Variants in OR4D9 observed in about 807,000 individuals in gnomAD.
The protein encoded by OR4D9 is olfactory receptor family 4 subfamily D member 9.
OR4D9 carries 2 observed loss-of-function variants against 0.8 expected under a neutral mutation model. The observed-to-expected ratio is 2.58, with a 90% CI of 1.06 to 8.13. The LOEUF (loss-of-function observed/expected upper bound fraction) is 8.13. Ranked by LOEUF, OR4D9 falls within the 30% of genes most tolerant of loss-of-function variation. The pLI, the probability that OR4D9 is intolerant of heterozygous loss-of-function variation, is 0.04. For synonymous variants in OR4D9, 146 were observed against 151.2 expected, an observed-to-expected ratio of 0.97 and a Z score of 0.25; for missense variants, 399 against 384.7, an observed-to-expected ratio of 1.04 and a Z score of -0.31.
chr11:59,518,552 T>C lies in OR4D9; in HGVS notation c.*2695T>C, dbSNP rs1453450448. 6.6e-6 allele frequency: 1 copy of C among 152,214 alleles called. No individual in the cohort carries two copies. Among genetic ancestry groups the C allele is most frequent in the Non-Finnish European group, 1.5e-5 (1 of 68,052 alleles). The allele number at this position is 152,214 out of a possible 1,614,324, so 9.4% of individuals were successfully genotyped here. ...ATGCACCACTATATCTGGCTAATTT[T>C]GTATATTTTTATTTTCATAGAGATG... On this transcript the variant is annotated 3_prime_UTR_variant, in exon 3 of 3. Transcript: ENST00000641962.
rs1413051438 is a variant in OR4D9, at chr11:59,519,237, T to A, written c.*3380T>A. On this transcript the variant is annotated 3_prime_UTR_variant, in exon 3 of 3. Transcript: ENST00000641962. Reference sequence around the variant, plus strand: ...GCATGGTGGCACACGCCTGTAGTCCTAGCTACTCAGGAGACTGAGCTGGGA... The same window carrying A: ...GCATGGTGGCACACGCCTGTAGTCCAAGCTACTCAGGAGACTGAGCTGGGA... 4 of 151,710 alleles carry A rather than the reference T, an allele frequency of 2.6e-5. No individual in the cohort carries two copies. Among genetic ancestry groups the A allele is most frequent in the Non-Finnish European group, 5.9e-5 (4 of 68,034 alleles). The allele number at this position is 151,710 out of a possible 1,614,324, so 9.4% of individuals were successfully genotyped here.
In OR4D9 at chr11:59,515,907, C is replaced by T; in HGVS notation, c.*50C>T. On this transcript the variant is annotated 3_prime_UTR_variant, in exon 3 of 3. Transcript: ENST00000641962. ...AGATAGACATTAAATTTCACTTTCT[C>T]AAAATGGGAAAGGAGCTTGTTCATG... 2.2e-6 allele frequency: 3 copies of T among 1,366,580 alleles called. No homozygotes were observed. The highest frequency in any genetic ancestry group is 1.9e-4 in the Middle Eastern group (1 of 5,378). 84.7% of individuals were successfully genotyped at this position (1,366,580 alleles called of 1,614,324 possible). A position where few individuals can be genotyped will look rare whatever the true frequency, so the allele number is the denominator to read the frequency against.
chr11:59,517,330 A>G lies in OR4D9; in HGVS notation c.*1473A>G, dbSNP rs1008085152. 1.3e-4 allele frequency: 20 copies of G among 152,314 alleles called. No individual in the cohort carries two copies. Among genetic ancestry groups the G allele is most frequent in the African/African-American group, 4.8e-4 (20 of 41,584 alleles). The allele number at this position is 152,314 out of a possible 1,614,324, so 9.4% of individuals were successfully genotyped here. On this transcript the variant is annotated 3_prime_UTR_variant, in exon 3 of 3. Coordinates refer to ENST00000641962, the MANE Select transcript of OR4D9 (RefSeq NM_001004711.2). ...GCCACATTTGTGTAACAGTGAACTC[A>G]GTGCAGCCATGGCGTAATACACTCT...
rs200036702 is a variant in OR4D9, at chr11:59,515,047, C to G, written c.135C>G (p.Ile45Met). 2 of 1,614,134 alleles carry G rather than the reference C, an allele frequency of 1.2e-6. No homozygotes were observed. Among genetic ancestry groups the G allele is most frequent in the Admixed American group, 1.7e-5 (1 of 60,012 alleles). Reference sequence around the variant, plus strand: ...CAACTCTAATGGGAAACTTCCTCATCATGGTTACAGTTACCTGTGAATCTC... The same window carrying G: ...CAACTCTAATGGGAAACTTCCTCATGATGGTTACAGTTACCTGTGAATCTC... ...YMTTLMGNFL[I>M]MVTVTCESHL... Residue 45 changes from isoleucine (I) to methionine (M), a missense_variant, in exon 3 of 3, where the codon ATC becomes ATG. Coordinates refer to ENST00000641962, the MANE Select transcript of OR4D9 (RefSeq NM_001004711.2).
rs530971266 is a variant in OR4D9, at chr11:59,513,345, G to A, written c.-124-1328G>A. 6.6e-5 allele frequency among the ~76,000 whole-genome samples: 10 copies of A among 152,196 alleles called. No homozygotes were observed. In the South Asian group the frequency reaches 1.2e-3, roughly 19 times the overall value. On this transcript the variant is annotated intron_variant, in intron 1 of 2. Coordinates refer to ENST00000641962, the MANE Select transcript of OR4D9 (RefSeq NM_001004711.2). ...ATTACAGGCGGGAGTCACCATGCCC[G>A]GCCAACTCAATGAATGTTTTTACAC...
At position 59,520,420 on chromosome 11, in the gene OR4D9, T is replaced by A. The variant is rs1379851824; in HGVS notation, c.*4563T>A. On this transcript the variant is annotated 3_prime_UTR_variant, in exon 3 of 3. Coordinates refer to ENST00000641962, the MANE Select transcript of OR4D9 (RefSeq NM_001004711.2). ...ATGGGAATTGAACAATGAGAACACA[T>A]GGACACAGGAAGGGGAACATCACAC... The A allele has an allele frequency of 7.8e-6, 1 of 127,906 alleles. No homozygotes were observed. Among genetic ancestry groups the A allele is most frequent in the African/African-American group, 3.0e-5 (1 of 33,094 alleles). The allele number at this position is 127,906 out of a possible 1,614,324, so 7.9% of individuals were successfully genotyped here. A position where few individuals can be genotyped will look rare whatever the true frequency, so the allele number is the denominator to read the frequency against.
chr11:59,515,345 A>T lies in OR4D9; in HGVS notation c.433A>T (p.Ile145Phe), dbSNP rs1859389216. 1 of 1,613,866 alleles carries T rather than the reference A, an allele frequency of 6.2e-7. No individual in the cohort carries two copies. Among genetic ancestry groups the T allele is most frequent in the Non-Finnish European group, 8.5e-7 (1 of 1,179,938 alleles). Reference protein sequence around the residue: ...IMSRGRCTGLIVASWVGGFVH... With the variant: ...IMSRGRCTGLFVASWVGGFVH... ...GAGTAGGGGGCGATGCACAGGCCTC[A>T]TCGTGGCTTCCTGGGTGGGGGGCTT... is the stretch of plus-strand genomic sequence containing the variant. Residue 145 changes from isoleucine (I) to phenylalanine (F), a missense_variant, in exon 3 of 3, where the codon ATC becomes TTC. Physicochemically the swap from Ile to Phe is conservative, Grantham distance 21. Transcript: ENST00000641962.
intron 1 of OR4D9, 57 bp from the exon 2 acceptor site, chr11:59,514,616 G>T: frequency 3.7e-6 from 1 of 269,260 alleles, no homozygotes; most frequent in Non-Finnish European, 6.9e-6. Flanking sequence ...TTAAGTGTCA[G>T]ATTTTATAGT....
rs1315414278 is a variant in OR4D9, at chr11:59,520,230, C to T, written c.*4373C>T. On this transcript the variant is annotated 3_prime_UTR_variant, in exon 3 of 3. Coordinates refer to ENST00000641962, the MANE Select transcript of OR4D9 (RefSeq NM_001004711.2). ...GTGACAAAATCATTTGTACACCAAA[C>T]CCCAGCAACACACAATTTACTCATG... is the stretch of plus-strand genomic sequence containing the variant. 1.3e-5 allele frequency: 2 copies of T among 152,052 alleles called. No individual in the cohort carries two copies. The highest frequency in any genetic ancestry group is 4.8e-5 in the African/African-American group (2 of 41,404). The allele number at this position is 152,052 out of a possible 1,614,324, so 9.4% of individuals were successfully genotyped here. A position where few individuals can be genotyped will look rare whatever the true frequency, so the allele number is the denominator to read the frequency against.
rs201267082 is a variant in OR4D9, at chr11:59,515,246, G to A, written c.334G>A (p.Val112Ile). ...CTTCCACCTTCTGGGGGGAGCAGAC[G>A]TTTTTTCTCTCTCTGTGATGGCGTT... Reference protein sequence around the residue: ...FFFHLLGGADVFSLSVMAFDR... With the variant: ...FFFHLLGGADIFSLSVMAFDR... The change falls in exon 3 of 3, where the codon GTT becomes ATT. Residue 112 changes from valine (V) to isoleucine (I), a missense_variant. Coordinates refer to ENST00000641962, the MANE Select transcript of OR4D9 (RefSeq NM_001004711.2). 155 of 1,613,332 alleles carry A rather than the reference G, an allele frequency of 9.6e-5. No homozygotes were observed. The East Asian group carries it at 2.1e-3, about 22-fold the overall frequency.
chr11:59,514,419 G>A (rs753152907), intron 1 of OR4D9, among the ~76,000 whole-genome samples: 1 of 152,156 alleles, frequency 6.6e-6, no homozygotes, highest in African/African-American at 2.4e-5. Flanking sequence ...GCCATTTTGA[G>A]GTTGGGTCAT....
rs143294848 is a variant in OR4D9 at position 59,515,628 on chromosome 11, C to T, written c.716C>T (p.Thr239Ile). 1.2e-6 allele frequency: 2 copies of T among 1,614,182 alleles called. No individual in the cohort carries two copies. The highest frequency in any genetic ancestry group is 1.3e-5 in the African/African-American group (1 of 75,048). Residue 239 changes from threonine (T) to isoleucine (I), a missense_variant, in exon 3 of 3, where the codon ACC becomes ATC. Transcript: ENST00000641962. ...TGEGRRKAISTCTSHITVVTL... is the reference protein window; with the variant it reads ...TGEGRRKAISICTSHITVVTL... Reference sequence around the variant, plus strand: ...GAAGGCAGGAGGAAAGCCATCTCCACCTGCACCTCCCACATCACCGTGGTG... The same window carrying T: ...GAAGGCAGGAGGAAAGCCATCTCCATCTGCACCTCCCACATCACCGTGGTG...
At chr11:59,513,294 T>A (rs1050196859) in intron 1 of OR4D9, among the ~76,000 whole-genome samples, 6 of 152,048 alleles carry the variant, frequency 3.9e-5, no homozygotes, top group Non-Finnish European at 5.9e-5. Flanking sequence ...AGGCCTCCAC[T>A]CACCTCAGCC....
In OR4D9 at chr11:59,514,773, G is replaced by C; in HGVS notation, c.-31+7G>C. ...ATACTGACTTGCAGACACAGTGAGT[G>C]CATAGGGAAAAGAGCTTCCTCCTAA... is the stretch of plus-strand genomic sequence containing the variant. On this transcript the variant is annotated splice_region_variant and intron_variant, in intron 2 of 2. Coordinates refer to ENST00000641962, the MANE Select transcript of OR4D9 (RefSeq NM_001004711.2). The C allele has an allele frequency of 1.6e-6, 1 of 622,746 alleles. No homozygotes were observed. Among genetic ancestry groups the C allele is most frequent in the Non-Finnish European group, 2.8e-6 (1 of 355,614 alleles). The allele number at this position is 622,746 out of a possible 1,614,324, so 38.6% of individuals were successfully genotyped here. A position where few individuals can be genotyped will look rare whatever the true frequency, so the allele number is the denominator to read the frequency against.
chr11:59,515,679 A>C lies in OR4D9; in HGVS notation c.767A>C (p.Tyr256Ser). 1 of 1,613,962 alleles carries C rather than the reference A, an allele frequency of 6.2e-7. No homozygotes were observed. Among genetic ancestry groups the C allele is most frequent in the Non-Finnish European group, 8.5e-7 (1 of 1,179,992 alleles). ...ACCCTGCATTTCGTGCCCTGCATCTATGTCTATGCCCGGCCCTTCACTGCC... is the reference window on the plus strand; with the variant it reads ...ACCCTGCATTTCGTGCCCTGCATCTCTGTCTATGCCCGGCCCTTCACTGCC... ...VVTLHFVPCI[Y>S]VYARPFTALP... The change falls in exon 3 of 3, where the codon TAT becomes TCT. Residue 256 changes from tyrosine (Y) to serine (S), a missense_variant. Transcript: ENST00000641962.
At chr11:59,514,803 G>T in intron 2 of OR4D9, 37 bp downstream of exon 2, 1 of 751,522 alleles carries the variant, frequency 1.3e-6, no homozygotes, top group African/African-American at 1.8e-5. Flanking sequence ...TCCTAATTCT[G>T]AGCCAAATCT....
intron 1 of OR4D9, among the ~76,000 whole-genome samples, chr11:59,513,263 C>T (rs140242784): frequency 2.2e-4 from 33 of 152,050 alleles, no homozygotes; most frequent in Admixed American, 5.2e-4. Context: ...TTAGTAGAGA[C>T]GGGGTTTTAA....
rs191321151 is a variant in OR4D9, at chr11:59,515,781, G to A, written c.869G>A (p.Arg290Lys). ...CTCAATCCTATAATTTACACGCTGA[G>A]GAATCAGGAAATGAAGTTGGCCATG... ...PLLNPIIYTL[R>K]NQEMKLAMRK... Residue 290 changes from arginine to lysine, a missense_variant, in exon 3 of 3, where the codon AGG becomes AAG. Coordinates refer to ENST00000641962, the MANE Select transcript of OR4D9 (RefSeq NM_001004711.2). The A allele has an allele frequency of 1.1e-5, 18 of 1,614,062 alleles. No individual in the cohort carries two copies. In the East Asian group the frequency reaches 3.3e-4, roughly 30 times the overall value.
In OR4D9 at chr11:59,516,992, C is replaced by T. The variant is rs1859413511; in HGVS notation, c.*1135C>T. 1 of 151,512 alleles carries T rather than the reference C, an allele frequency of 6.6e-6. No individual in the cohort carries two copies. The highest frequency in any genetic ancestry group is 2.4e-5 in the African/African-American group (1 of 41,166). 9.4% of individuals were successfully genotyped at this position (151,512 alleles called of 1,614,324 possible). A position where few individuals can be genotyped will look rare whatever the true frequency, so the allele number is the denominator to read the frequency against. ...GCTGAGGCGGGAGAATGGCATGAAC[C>T]CGGGAAGCAGAGCTTGCAGTGAGCC... On this transcript the variant is annotated 3_prime_UTR_variant, in exon 3 of 3. Coordinates refer to ENST00000641962, the MANE Select transcript of OR4D9 (RefSeq NM_001004711.2).
Sources: gnomAD v4.1 joint callset for allele counts (sites outside exome capture counted in the v4.1 genomes callset) on GRCh38, gnomAD v4.1.1 for gene constraint, MANE v1.5 for transcripts, NCBI Gene and HGNC (gene_info 2026-07-23, HGNC 2026-07-21) for gene names.